Variants in CTIF observed in about 807,000 individuals in gnomAD.
CTIF encodes cap binding complex dependent translation initiation factor.
Under a neutral mutation model 66.0 loss-of-function variants are expected in CTIF, and 21 were observed. The observed-to-expected ratio is 0.32, with a 90% CI of 0.23 to 0.46. The LOEUF (loss-of-function observed/expected upper bound fraction) is 0.46, where lower values mean the gene tolerates loss of function less well. Ranked by LOEUF, CTIF falls within the 20% of genes least tolerant of loss-of-function variation. The probability of loss-of-function intolerance (pLI) is 1.00; values close to 1 mark genes in which losing one functional copy is unlikely to be tolerated. For missense variants in CTIF, 739 were observed against 812.7 expected, an observed-to-expected ratio of 0.91 and a Z score of 1.10; for synonymous variants, 345 against 326.4, an observed-to-expected ratio of 1.06 and a Z score of -0.62.
In CTIF at chr18:48,545,015, G is replaced by A. The variant is rs146035949; in HGVS notation, c.-29+5703G>A. Among the ~76,000 whole-genome samples, 129 of 152,314 alleles carry A rather than the reference G, an allele frequency of 8.5e-4. 5 individuals carry two copies. The South Asian group carries it at 0.022, about 26-fold the overall frequency. ...CAGACAAGGGGCAGCCACCTGCTCC[G>A]GCCTCAGATGTCAGGGAGGGCTTCC... On this transcript the variant is annotated intron_variant, in intron 1 of 11. Transcript: ENST00000256413.
At chr18:48,712,583 G>A (rs940101687) in intron 7 of CTIF, among the ~76,000 whole-genome samples, 1 of 152,222 alleles carries the variant, frequency 6.6e-6, no homozygotes, top group Non-Finnish European at 1.5e-5. Context: ...GAATTAAAAT[G>A]AGGTGTTCCT....
chr18:48,772,502 G>GCAATAACTCCCCTACAT, intron 9 of CTIF, among the ~76,000 whole-genome samples: 2 of 151,806 alleles, frequency 1.3e-5, no homozygotes, highest in Non-Finnish European at 2.9e-5. Context: ...CTCCCCTACA[G>GCAATAACTCCCCTACAT]CAATAACTCC....
At chr18:48,656,805 G>T (rs565842494) in intron 3 of CTIF, among the ~76,000 whole-genome samples, 1 of 152,150 alleles carries the variant, frequency 6.6e-6, no homozygotes, top group Non-Finnish European at 1.5e-5. Context: ...TCAGCAACCG[G>T]GGGGGCAGGG....
intron 7 of CTIF, among the ~76,000 whole-genome samples, chr18:48,727,091 C>A (rs865881072): frequency 1.1e-3 from 169 of 152,062 alleles, no homozygotes; most frequent in African/African-American, 3.9e-3. Flanking sequence ...CACACACACA[C>A]ACACACACAC....
intron 1 of CTIF, among the ~76,000 whole-genome samples, chr18:48,612,139 A>G (rs541155711): frequency 6.6e-6 from 1 of 152,316 alleles, no homozygotes; most frequent in Admixed American, 6.5e-5. Flanking sequence ...TCTTTGGCAA[A>G]CACCAACATG....
chr18:48,603,185 G>C (rs568278819), intron 1 of CTIF, among the ~76,000 whole-genome samples: 2 of 150,330 alleles, frequency 1.3e-5, no homozygotes, highest in African/African-American at 4.9e-5. Flanking sequence ...TAGATGGGTG[G>C]GTGGATAGGT....
chr18:48,759,158 T>G (rs1367187394), intron 8 of CTIF, among the ~76,000 whole-genome samples: 1 of 152,184 alleles, frequency 6.6e-6, no homozygotes, highest in Non-Finnish European at 1.5e-5. Flanking sequence ...AAGTCCATTG[T>G]GCTCACCCCA....
At chr18:48,833,805 C>T (rs1367315416) in intron 10 of CTIF, among the ~76,000 whole-genome samples, 1 of 152,200 alleles carries the variant, frequency 6.6e-6, no homozygotes, top group African/African-American at 2.4e-5. Flanking sequence ...GGTAAGAGCC[C>T]CTGCTCTAGA....
At chr18:48,655,259 C>A (rs1443398253) in intron 3 of CTIF, among the ~76,000 whole-genome samples, 8 of 142,564 alleles carry the variant, frequency 5.6e-5, no homozygotes, top group African/African-American at 2.2e-4. Flanking sequence ...AAGCTGAGAT[C>A]ACACCACTGC....
At chr18:48,721,998 G>A (rs1190003808) in intron 7 of CTIF, among the ~76,000 whole-genome samples, 2 of 152,168 alleles carry the variant, frequency 1.3e-5, no homozygotes, top group Non-Finnish European at 2.9e-5. Flanking sequence ...CCATGGGATG[G>A]GAAAGACAGT....
intron 1 of CTIF, among the ~76,000 whole-genome samples, chr18:48,608,612 G>A (rs1333687393): frequency 6.6e-6 from 1 of 152,226 alleles, no homozygotes; most frequent in African/African-American, 2.4e-5. Flanking sequence ...TCTTGAGGAT[G>A]AGTAGAGAGA....
intron 1 of CTIF, among the ~76,000 whole-genome samples, chr18:48,577,261 G>A (rs753787002): frequency 1.2e-4 from 18 of 152,334 alleles, no homozygotes; most frequent in Middle Eastern, 3.4e-3. Flanking sequence ...GATGTCAAAA[G>A]CCATGTCCAG....
chr18:48,827,654 G>A (rs1306458550), intron 10 of CTIF, among the ~76,000 whole-genome samples: 5 of 143,728 alleles, frequency 3.5e-5, no homozygotes, highest in Non-Finnish European at 6.0e-5. Context: ...CGCCTGGAAT[G>A]TTCCTCTGAG....
At chr18:48,776,039 C>G (rs1910637948) in intron 9 of CTIF, among the ~76,000 whole-genome samples, 2 of 152,370 alleles carry the variant, frequency 1.3e-5, no homozygotes, top group South Asian at 4.1e-4. Flanking sequence ...GAGTTTCCTG[C>G]CAGCCTTGGG....
chr18:48,790,259 C>G (rs1470886995), intron 9 of CTIF, among the ~76,000 whole-genome samples: 1 of 152,234 alleles, frequency 6.6e-6, no homozygotes, highest in African/African-American at 2.4e-5. Flanking sequence ...AAGACCCAGA[C>G]TGGGGAAATA....
intron 9 of CTIF, among the ~76,000 whole-genome samples, chr18:48,762,385 G>A (rs564615151): frequency 6.6e-6 from 1 of 152,322 alleles, no homozygotes; most frequent in East Asian, 1.9e-4. Flanking sequence ...GCTTAGCAAT[G>A]TTTCATCTCA....
intron 2 of CTIF, among the ~76,000 whole-genome samples, chr18:48,629,363 A>C (rs2090661288): frequency 6.6e-6 from 1 of 152,246 alleles, no homozygotes; most frequent in Non-Finnish European, 1.5e-5. Context: ...CAATTCTTGC[A>C]TATCCGATTA....
chr18:48,678,130 C>T (rs956466646), intron 6 of CTIF, among the ~76,000 whole-genome samples: 4 of 152,082 alleles, frequency 2.6e-5, no homozygotes, highest in South Asian at 2.1e-4. Context: ...TTCCAGGAGA[C>T]GGTAGTCACG....
chr18:48,858,779 TC>T (rs1377492847), intron 11 of CTIF, among the ~76,000 whole-genome samples: 2 of 152,068 alleles, frequency 1.3e-5, no homozygotes, highest in Admixed American at 1.3e-4. Flanking sequence ...CTCCCCCACT[TC>T]CTGTCACAAG....
Sources: gnomAD v4.1 joint callset for allele counts (sites outside exome capture counted in the v4.1 genomes callset) on GRCh38, gnomAD v4.1.1 for gene constraint, MANE v1.5 for transcripts, NCBI Gene and HGNC (gene_info 2026-07-23, HGNC 2026-07-21) for gene names.